Variants in ZNF704 observed in about 807,000 individuals in gnomAD.
ZNF704 encodes zinc finger protein 704.
Under a neutral mutation model 44.7 loss-of-function variants are expected in ZNF704, and 10 were observed. That is an observed-to-expected ratio of 0.22 (90% CI 0.14 to 0.38). The LOEUF (loss-of-function observed/expected upper bound fraction) is 0.38. ZNF704 is among the 10% of genes least tolerant of loss of function. The pLI is 1.00. For synonymous variants in ZNF704, 211 were observed against 207.6 expected, an observed-to-expected ratio of 1.02 and a Z score of -0.14; for missense variants, 390 against 545.5, an observed-to-expected ratio of 0.71 and a Z score of 2.84.
rs769205630 is a variant in ZNF704 at position 80,687,274 on chromosome 8, C to T, written c.510G>A (p.Ala170=). 4.6e-5 allele frequency: 75 copies of T among 1,613,106 alleles called. No individual in the cohort carries two copies. The highest frequency in any genetic ancestry group is 5.6e-5 in the Non-Finnish European group (66 of 1,179,858). ...CGTCGAAGAGCAGGTTGCTGGCCTC[C>T]GCCTCGTCGATGCCGTCGTCTGGCT... ...PAQPDDGIDE[A]EASNLLFDEP... The change falls in exon 4 of 9, where the codon GCG becomes GCA. Residue 170 remains alanine, a synonymous_variant. Coordinates refer to ENST00000327835, the MANE Select transcript of ZNF704 (RefSeq NM_001033723.3).
rs544532706 is a variant in ZNF704, at chr8:80,740,901, C to T, written c.222-47794G>A. 1.1e-4 allele frequency among the ~76,000 whole-genome samples: 17 copies of T among 152,354 alleles called. 1 individual carries two copies. The South Asian group carries it at 1.9e-3, about 17-fold the overall frequency. On this transcript the variant is annotated intron_variant, in intron 2 of 8. Coordinates refer to ENST00000327835, the MANE Select transcript of ZNF704 (RefSeq NM_001033723.3). ...GGTACGTGGATGATTTACTTCTAGCCGCCCATTCAGAAACCTTGCTCCATC... is the reference window on the plus strand; with the variant it reads ...GGTACGTGGATGATTTACTTCTAGCTGCCCATTCAGAAACCTTGCTCCATC...
intron 7 of ZNF704, among the ~76,000 whole-genome samples, chr8:80,651,838 C>G (rs1817924991): frequency 2.0e-5 from 3 of 152,186 alleles, no homozygotes; most frequent in Admixed American, 2.0e-4. Context: ...CTACAGAACT[C>G]TCCACCCCAA....
intron 2 of ZNF704, among the ~76,000 whole-genome samples, chr8:80,740,389 A>C (rs1472910679): frequency 6.6e-6 from 1 of 152,062 alleles, no homozygotes; most frequent in Non-Finnish European, 1.5e-5. Flanking sequence ...AATTAAACTA[A>C]AGGATTCTGC....
At chr8:80,845,033 C>T in intron 1 of ZNF704, among the ~76,000 whole-genome samples, 1 of 151,974 alleles carries the variant, frequency 6.6e-6, no homozygotes, top group Non-Finnish European at 1.5e-5. Flanking sequence ...GAGGTGCTTA[C>T]CATGAAGTGA....
intron 5 of ZNF704, among the ~76,000 whole-genome samples, chr8:80,666,904 A>T (rs1818203733): frequency 6.6e-6 from 1 of 151,458 alleles, no homozygotes; most frequent in Non-Finnish European, 1.5e-5. Flanking sequence ...ATTTTCTCCC[A>T]TTTTGTAGGT....
At chr8:80,862,221 A>C (rs992988943) in intron 1 of ZNF704, among the ~76,000 whole-genome samples, 1 of 151,998 alleles carries the variant, frequency 6.6e-6, no homozygotes, top group African/African-American at 2.4e-5. Flanking sequence ...TAACTTGTAA[A>C]TGAATTTAAC....
chr8:80,795,756 T>C (rs1187148688), intron 2 of ZNF704, among the ~76,000 whole-genome samples: 2 of 151,402 alleles, frequency 1.3e-5, no homozygotes, highest in Non-Finnish European at 2.9e-5. Flanking sequence ...GTAGCTAATA[T>C]AACAATGAAA....
At chr8:80,681,054 TC>T in intron 4 of ZNF704, among the ~76,000 whole-genome samples, 1 of 152,334 alleles carries the variant, frequency 6.6e-6, no homozygotes, top group East Asian at 1.9e-4. Context: ...AGTAGTTTGC[TC>T]CCTTTTATGT....
At chr8:80,835,490 G>C (rs1416455058) in intron 1 of ZNF704, among the ~76,000 whole-genome samples, 1 of 152,114 alleles carries the variant, frequency 6.6e-6, no homozygotes, top group Non-Finnish European at 1.5e-5. Flanking sequence ...AAGGAGGGTA[G>C]GTAATCCACA....
chr8:80,705,310 C>T (rs968721352), intron 2 of ZNF704, among the ~76,000 whole-genome samples: 2 of 151,746 alleles, frequency 1.3e-5, no homozygotes, highest in African/African-American at 4.8e-5. Flanking sequence ...TGTATATCTG[C>T]GTCTATGTCT....
intron 2 of ZNF704, among the ~76,000 whole-genome samples, chr8:80,781,948 T>C (rs1031752688): frequency 6.6e-5 from 10 of 152,208 alleles, no homozygotes; most frequent in Admixed American, 5.2e-4. Flanking sequence ...CTCTAATGTA[T>C]AGGAATAGTC....
At chr8:80,801,032 C>A (rs545296422) in intron 2 of ZNF704, among the ~76,000 whole-genome samples, 1 of 152,114 alleles carries the variant, frequency 6.6e-6, no homozygotes, top group Non-Finnish European at 1.5e-5. Flanking sequence ...ACAAAACACA[C>A]TTTAAACCAA....
chr8:80,873,569 C>T (rs1035988700), intron 1 of ZNF704: 27 of 151,790 alleles, frequency 1.8e-4, no homozygotes, highest in African/African-American at 6.0e-4. Flanking sequence ...GGCCGGGCCC[C>T]TGGGGACTGC....
At chr8:80,662,931 A>C (rs1242141539) in intron 6 of ZNF704, among the ~76,000 whole-genome samples, 1 of 152,256 alleles carries the variant, frequency 6.6e-6, no homozygotes, top group African/African-American at 2.4e-5. Flanking sequence ...TTATTTAGTT[A>C]CATGAAAAGT....
At chr8:80,779,683 T>C (rs1443373280) in intron 2 of ZNF704, among the ~76,000 whole-genome samples, 1 of 151,898 alleles carries the variant, frequency 6.6e-6, no homozygotes, top group Non-Finnish European at 1.5e-5. Flanking sequence ...TAATAATACA[T>C]TTCACATTAA....
intron 1 of ZNF704, among the ~76,000 whole-genome samples, chr8:80,831,407 T>C (rs1251374952): frequency 6.6e-6 from 1 of 152,222 alleles, no homozygotes; most frequent in Non-Finnish European, 1.5e-5. Flanking sequence ...ACAAAACTGT[T>C]CCTGGTGATC....
At chr8:80,666,203 G>C (rs1357333545) in intron 5 of ZNF704, among the ~76,000 whole-genome samples, 1 of 145,156 alleles carries the variant, frequency 6.9e-6, no homozygotes, top group Non-Finnish European at 1.5e-5. Context: ...CTATGAGTGA[G>C]AATATGCAGT....
intron 5 of ZNF704, 150 bp from the exon 6 acceptor site, chr8:80,665,232 A>T (rs1189658222): frequency 3.8e-6 from 3 of 787,632 alleles, no homozygotes; most frequent in Non-Finnish European, 6.0e-6. Flanking sequence ...ACTCAGTTCA[A>T]CTGTCCACTT....
chr8:80,827,710 G>A (rs191640317), intron 1 of ZNF704, among the ~76,000 whole-genome samples: 3 of 152,264 alleles, frequency 2.0e-5, no homozygotes, highest in Admixed American at 2.0e-4. Context: ...CATGGTGCTG[G>A]TACCAAAACA....
Sources: gnomAD v4.1 joint callset for allele counts (sites outside exome capture counted in the v4.1 genomes callset) on GRCh38, gnomAD v4.1.1 for gene constraint, MANE v1.5 for transcripts, NCBI Gene and HGNC (gene_info 2026-07-23, HGNC 2026-07-21) for gene names.